CDH20: variants seen among roughly 807,000 people sequenced by gnomAD.
CDH20 encodes the protein cadherin 20.
A neutral mutation model predicts 74.2 loss-of-function variants in CDH20; 29 were observed. The ratio of observed to expected loss-of-function variants is 0.39; its 90% CI spans 0.29 to 0.53. The LOEUF (loss-of-function observed/expected upper bound fraction) is 0.53, where lower values mean the gene tolerates loss of function less well. Ranked by LOEUF, CDH20 falls within the 20% of genes least tolerant of loss-of-function variation. The pLI, the probability that CDH20 is intolerant of heterozygous loss-of-function variation, is 0.69. For synonymous variants in CDH20, 469 were observed against 405.4 expected, an observed-to-expected ratio of 1.16 and a Z score of -1.88; for missense variants, 988 against 1,048.3, an observed-to-expected ratio of 0.94 and a Z score of 0.79.
chr18:61,339,854 A>ATT, intron 1 of CDH20, among the ~76,000 whole-genome samples: 1 of 150,040 alleles, frequency 6.7e-6, no homozygotes, highest in African/African-American at 2.4e-5. Flanking sequence ...TGCCCAGCTA[A>ATT]TTTTTTTTTG....
chr18:61,478,562 G>A (rs1910475312), intron 1 of CDH20, among the ~76,000 whole-genome samples: 1 of 152,108 alleles, frequency 6.6e-6, no homozygotes, highest in Non-Finnish European at 1.5e-5. Context: ...TTTCTCAGTA[G>A]CTTGTTTTTG....
intron 1 of CDH20, among the ~76,000 whole-genome samples, chr18:61,337,026 T>C (rs11152290): frequency 0.4 from 60,754 of 152,070 alleles, 12,571 homozygotes; most frequent in African/African-American, 0.45. Context: ...TCATTGTGGG[T>C]TGGTGTGACT....
At position 61,386,785 on chromosome 18, in the gene CDH20, G is replaced by A. The variant is rs148322947; in HGVS notation, c.-153+52958G>A. 2.7e-3 allele frequency among the ~76,000 whole-genome samples: 412 copies of A among 151,940 alleles called. 3 individuals are homozygous for A. Among genetic ancestry groups the A allele is most frequent in the African/African-American group, 8.5e-3 (351 of 41,450 alleles). On this transcript the variant is annotated intron_variant, in intron 1 of 11. Transcript: ENST00000262717. ...ACTTAAAAGTGATCTATCTCAAAAC[G>A]TAAATATCAAAAAAGCTAAATTAAA...
intron 1 of CDH20, among the ~76,000 whole-genome samples, chr18:61,348,909 G>C (rs1910218254): frequency 6.6e-6 from 1 of 152,126 alleles, no homozygotes; most frequent in African/African-American, 2.4e-5. Flanking sequence ...CAGTAAAGCA[G>C]GATTGTGTGG....
At chr18:61,524,375 G>GGAA (rs959495036) in intron 6 of CDH20, among the ~76,000 whole-genome samples, 3 of 152,120 alleles carry the variant, frequency 2.0e-5, no homozygotes, top group Admixed American at 1.3e-4. Flanking sequence ...CTGCCTTTCT[G>GGAA]AAAATTCATT....
chr18:61,524,760 A>G lies in CDH20; in HGVS notation c.1018-3207A>G, dbSNP rs1912326866. Among the ~76,000 whole-genome samples, 3 of 152,206 alleles carry G rather than the reference A, an allele frequency of 2.0e-5. 1 individual carries two copies. In the South Asian group the frequency reaches 6.2e-4, roughly 31 times the overall value. ...ACATGGTGAAACCCCGCCTCTACTGAAAATACAAAAATTAGCCAGGCGTGG... is the reference window on the plus strand; with the variant it reads ...ACATGGTGAAACCCCGCCTCTACTGGAAATACAAAAATTAGCCAGGCGTGG... On this transcript the variant is annotated intron_variant, in intron 6 of 11. Coordinates refer to ENST00000262717, the MANE Select transcript of CDH20 (RefSeq NM_031891.4).
At position 61,554,683 on chromosome 18, in the gene CDH20, G is replaced by A. The variant is rs751834038; in HGVS notation, c.2394G>A (p.Ala798=). ...TCTACGGGGCGTCGGAGGGACCCGC[G>A]CCGCTGTGGTGACGGAAGCCAGGAG... ...AELYGASEGP[A]PLW is the part of the protein sequence containing the mutation. The change falls in exon 12 of 12, where the codon GCG becomes GCA. Residue 798 remains alanine, a synonymous_variant. Transcript: ENST00000262717. 4 of 1,567,300 alleles carry A rather than the reference G, an allele frequency of 2.6e-6. No individual in the cohort carries two copies. Among genetic ancestry groups the A allele is most frequent in the Non-Finnish European group, 2.6e-6 (3 of 1,154,734 alleles).
intron 6 of CDH20, among the ~76,000 whole-genome samples, chr18:61,515,094 C>G (rs2144345291): frequency 6.6e-6 from 1 of 152,276 alleles, no homozygotes; most frequent in South Asian, 2.1e-4. Flanking sequence ...CGCCCCTCCC[C>G]CAGACTCGCT....
At chr18:61,518,053 C>A (rs116953217) in intron 6 of CDH20, among the ~76,000 whole-genome samples, 9,847 of 152,216 alleles carry the variant, frequency 0.065, 493 homozygotes, top group East Asian at 0.16. Flanking sequence ...GCCACGGTAC[C>A]TAGACTGCCT....
chr18:61,503,249 T>C (rs201557197), intron 5 of CDH20, 129 bp downstream of exon 5: 4 of 628,358 alleles, frequency 6.4e-6, no homozygotes, highest in African/African-American at 3.7e-5. Flanking sequence ...TTTCTTACAT[T>C]CATCATGCAA....
chr18:61,382,087 G>A (rs1292342506), intron 1 of CDH20, among the ~76,000 whole-genome samples: 1 of 152,028 alleles, frequency 6.6e-6, no homozygotes, highest in Non-Finnish European at 1.5e-5. Flanking sequence ...CTACTGAAAC[G>A]ATGCCTTGCT....
intron 1 of CDH20, among the ~76,000 whole-genome samples, chr18:61,438,144 T>C (rs1283752246): frequency 6.6e-6 from 1 of 152,144 alleles, no homozygotes. Flanking sequence ...TTTCCACCTA[T>C]GGCTAGTCCA....
chr18:61,358,452 T>C (rs1218117950), intron 1 of CDH20, among the ~76,000 whole-genome samples: 2 of 152,176 alleles, frequency 1.3e-5, no homozygotes, highest in African/African-American at 4.8e-5. Flanking sequence ...CATTTCTTGA[T>C]ATTTGAAATA....
intron 3 of CDH20, 88 bp downstream of exon 3, chr18:61,499,568 A>G (rs1310614711): frequency 2.9e-6 from 3 of 1,044,274 alleles, no homozygotes; most frequent in Non-Finnish European, 4.2e-6. Context: ...ACACACATGT[A>G]GATACACATA....
intron 1 of CDH20, among the ~76,000 whole-genome samples, chr18:61,421,426 A>C (rs1912875121): frequency 1.3e-5 from 2 of 152,190 alleles, no homozygotes; most frequent in South Asian, 4.1e-4. Context: ...ATTCCAAAAA[A>C]GAAGTCCCAG....
intron 1 of CDH20, among the ~76,000 whole-genome samples, chr18:61,343,362 A>G (rs557460088): frequency 6.6e-6 from 1 of 152,230 alleles, no homozygotes; most frequent in Non-Finnish European, 1.5e-5. Context: ...ATGGGGTCAA[A>G]AAGGCTGATA....
intron 5 of CDH20, among the ~76,000 whole-genome samples, chr18:61,505,481 G>A (rs1568168211): frequency 1.3e-5 from 2 of 151,932 alleles, no homozygotes; most frequent in Middle Eastern, 3.4e-3. Context: ...AACTACAGGT[G>A]CACACCACCA....
At chr18:61,409,180 G>T (rs952952397) in intron 1 of CDH20, among the ~76,000 whole-genome samples, 5 of 152,194 alleles carry the variant, frequency 3.3e-5, no homozygotes, top group Admixed American at 1.3e-4. Flanking sequence ...GCTTAGAAAT[G>T]TTTTCATTAA....
intron 1 of CDH20, among the ~76,000 whole-genome samples, chr18:61,415,833 T>C (rs531518742): frequency 5.3e-5 from 8 of 152,268 alleles, no homozygotes; most frequent in Middle Eastern, 6.8e-3. Context: ...TCTCCTCTTA[T>C]ACTATTCTTA....
Sources: allele counts gnomAD v4.1 joint callset (sites outside exome capture counted in the v4.1 genomes callset), GRCh38; gene constraint gnomAD v4.1.1; transcripts MANE v1.5; gene names NCBI Gene and HGNC (gene_info 2026-07-23, HGNC 2026-07-21).